The following DOCK9 variants were observed in gnomAD, a reference collection of about 807,000 sequenced individuals.
DOCK9 encodes dedicator of cytokinesis protein 9.
Under a neutral mutation model 263.3 loss-of-function variants are expected in DOCK9, and 89 were observed. That is an observed-to-expected ratio of 0.34 (90% CI 0.28 to 0.40). DOCK9 has a LOEUF of 0.40. Ranked by LOEUF, DOCK9 falls within the 10% of genes least tolerant of loss-of-function variation. The pLI is 1.00. For synonymous variants in DOCK9, 976 were observed against 973.1 expected (o/e 1.00, Z -0.06); for missense variants, 2,140 against 2,603.4 (o/e 0.82, Z 3.87).
intron 37 of DOCK9, chr13:98,847,495 G>A (rs1413994036): frequency 6.6e-6 from 1 of 151,952 alleles, no homozygotes; most frequent in Non-Finnish European, 1.5e-5. Flanking sequence ...ATTAATAGGA[G>A]GAAAATGCAA....
chr13:98,860,333 T>C (rs2093823990), intron 33 of DOCK9, 72 bp downstream of exon 33: 1 of 1,547,334 alleles, frequency 6.5e-7, no homozygotes. Context: ...TGTGACACGT[T>C]CACCAACTAT....
chr13:98,923,702 A>AT (rs2052453038), intron 4 of DOCK9, among the ~76,000 whole-genome samples: 2 of 152,368 alleles, frequency 1.3e-5, no homozygotes, highest in Non-Finnish European at 2.9e-5. Flanking sequence ...GAGGAAAAAA[A>AT]GGAAGATTGA....
chr13:98,881,864 A>T, intron 24 of DOCK9, 28 bp downstream of exon 24: 1 of 1,522,726 alleles, frequency 6.6e-7, no homozygotes, highest in South Asian at 1.2e-5. Flanking sequence ...ACTAGAAGTG[A>T]GGAAGAGCAT....
chr13:98,858,887 A>G (rs1278815656), intron 33 of DOCK9: 2 of 152,218 alleles, frequency 1.3e-5, no homozygotes, highest in Non-Finnish European at 2.9e-5. Context: ...AAAGAGTCAA[A>G]CAGAAGTATT....
chr13:98,888,720 A>C lies in DOCK9; in HGVS notation c.1710-9T>G, dbSNP rs747485613. On this transcript the variant is annotated splice_polypyrimidine_tract_variant and intron_variant, in intron 15 of 52. Transcript: ENST00000682017. ...TAGCCATCTTCTCAGGTCTGCAAAC[A>C]AAAGAAGAGAAAAATTAAACATTCG... 74 of 1,610,812 alleles carry C rather than the reference A, an allele frequency of 4.6e-5. No homozygotes were observed. In the South Asian group the frequency reaches 7.4e-4, roughly 16 times the overall value.
intron 2 of DOCK9, among the ~76,000 whole-genome samples, chr13:98,952,200 C>A (rs375641884): frequency 4.7e-5 from 7 of 150,524 alleles, no homozygotes; most frequent in Admixed American, 1.3e-4. Context: ...GCCCAGCCTA[C>A]TTCATCAATA....
chr13:99,082,869 C>A (rs538020278), intron 1 of DOCK9, among the ~76,000 whole-genome samples: 2 of 152,162 alleles, frequency 1.3e-5, no homozygotes, highest in African/African-American at 2.4e-5. Flanking sequence ...GCTGGTGAGG[C>A]ATAAAACCAG....
intron 1 of DOCK9, among the ~76,000 whole-genome samples, chr13:98,983,146 T>C (rs1877614052): frequency 6.6e-6 from 1 of 152,226 alleles, no homozygotes; most frequent in African/African-American, 2.4e-5. Context: ...CACACACATA[T>C]GTACACCTAT....
At chr13:99,021,555 C>T (rs1381434361) in intron 1 of DOCK9, among the ~76,000 whole-genome samples, 9 of 148,234 alleles carry the variant, frequency 6.1e-5, no homozygotes. Flanking sequence ...AGGAGAATGG[C>T]GTGAACCCGG....
At position 99,010,185 on chromosome 13, in the gene DOCK9, C is replaced by T. The variant is rs1031653147; in HGVS notation, c.130-54634G>A. 1.9e-4 allele frequency among the ~76,000 whole-genome samples: 29 copies of T among 152,146 alleles called. 1 individual carries two copies. Among genetic ancestry groups the T allele is most frequent in the Admixed American group, 1.7e-3 (26 of 15,278 alleles). On this transcript the variant is annotated intron_variant, in intron 1 of 32. Coordinates refer to the DOCK9 transcript ENST00000427887. ...TCCTAGCTGCTGTTAAAGTTCTAAC[C>T]GAGCAAGTTCTTCCACTTCAGTTAT... is the stretch of plus-strand genomic sequence containing the variant.
intron 13 of DOCK9, among the ~76,000 whole-genome samples, chr13:98,901,004 T>A (rs1183434494): frequency 6.6e-6 from 1 of 152,126 alleles, no homozygotes; most frequent in Non-Finnish European, 1.5e-5. Flanking sequence ...TTTAAATAAC[T>A]AAAAATATGT....
At chr13:99,076,615 A>C (rs573365705) in intron 1 of DOCK9, among the ~76,000 whole-genome samples, 2 of 152,336 alleles carry the variant, frequency 1.3e-5, no homozygotes, top group South Asian at 2.1e-4. Flanking sequence ...TAGGAAAATT[A>C]ATCTGGCAGC....
intron 1 of DOCK9, among the ~76,000 whole-genome samples, chr13:98,971,836 C>T (rs1017696285): frequency 5.9e-5 from 9 of 152,200 alleles, no homozygotes; most frequent in African/African-American, 1.7e-4. Context: ...TGACTCCTGA[C>T]GGCAGCTCTA....
At chr13:98,962,917 C>T (rs2058807755) in intron 1 of DOCK9, among the ~76,000 whole-genome samples, 1 of 152,150 alleles carries the variant, frequency 6.6e-6, no homozygotes, top group African/African-American at 2.4e-5. Context: ...GACCCCCTCC[C>T]ATTAGGGCAG....
In DOCK9 at chr13:98,883,847, A is replaced by G; in HGVS notation, c.2435T>C (p.Ile812Thr). The G allele has an allele frequency of 6.2e-7, 1 of 1,612,682 alleles. No homozygotes were observed. Among genetic ancestry groups the G allele is most frequent in the Non-Finnish European group, 8.5e-7 (1 of 1,179,506 alleles). The part of the protein sequence containing the change: ...WVDGGKPLLK[I>T]STHLVSTVYT... ...CACTGTAGAAACCAGATGAGTGGAA[A>G]TTTTCAGCAGTGGCTTGCCTCCATC... Residue 812 changes from isoleucine to threonine, a missense_variant, in exon 22 of 53, where the codon ATT becomes ACT. By Grantham distance (89) the Ile-to-Thr change is moderately conservative (BLOSUM62 -1). Transcript: ENST00000682017.
At chr13:99,051,160 G>C (rs187153901) in intron 1 of DOCK9, among the ~76,000 whole-genome samples, 2 of 152,330 alleles carry the variant, frequency 1.3e-5, no homozygotes, top group Admixed American at 6.5e-5. Context: ...GGGGAGGGAA[G>C]GGGAGGTAAT....
chr13:99,024,410 G>A (rs1411250648), intron 1 of DOCK9, among the ~76,000 whole-genome samples: 1 of 152,012 alleles, frequency 6.6e-6, no homozygotes, highest in Admixed American at 6.6e-5. Flanking sequence ...TTAATGGCAG[G>A]GTATACTGAC....
intron 2 of DOCK9, among the ~76,000 whole-genome samples, chr13:98,940,950 T>C (rs1225633468): frequency 1.3e-5 from 2 of 152,180 alleles, no homozygotes; most frequent in Non-Finnish European, 2.9e-5. Flanking sequence ...GACGCCTCAT[T>C]GCCACCAGAA....
chr13:98,883,660 T>C (rs931114053), intron 22 of DOCK9, among the ~76,000 whole-genome samples, 153 bp downstream of exon 22: 2 of 152,258 alleles, frequency 1.3e-5, no homozygotes, highest in African/African-American at 4.8e-5. Context: ...TATGAATACA[T>C]ATAAGCACTT....
Sources: allele counts gnomAD v4.1 joint callset (sites outside exome capture counted in the v4.1 genomes callset), GRCh38; gene constraint gnomAD v4.1.1; transcripts MANE v1.5; gene names NCBI Gene and HGNC (gene_info 2026-07-23, HGNC 2026-07-21).